HRG: variants seen among roughly 807,000 people sequenced by gnomAD.
HRG encodes the protein histidine rich glycoprotein, also known as histidine-rich glycoprotein.
In HRG, 26 loss-of-function variants were observed where a neutral mutation model predicts 29.5. The ratio of observed to expected loss-of-function variants is 0.88; its 90% CI spans 0.65 to 1.22. The LOEUF is 1.22. Among genes scored for constraint, HRG ranks in the 50% most tolerant of loss-of-function variants. The pLI is 0.00. For synonymous variants in HRG, 243 were observed against 240.4 expected (o/e 1.01, Z -0.10); for missense variants, 671 against 654.5 (o/e 1.03, Z -0.28).
intron 5 of HRG, chr3:186,673,306 G>C: frequency 3.6e-6 from 1 of 281,114 alleles, no homozygotes; most frequent in Non-Finnish European, 6.9e-6. Context: ...GTTTCACCAT[G>C]TTGATCAGGT....
chr3:186,670,045 A>G lies in HRG; in HGVS notation c.391+17A>G. The stretch of plus-strand genomic sequence containing the variant: ...CAAGTTCTGGTATGGTAATCTGTTA[A>G]ATTGCTAATTAATTCTTGATTAATA... On this transcript the variant is annotated intron_variant, in intron 3 of 6. Transcript: ENST00000232003. The G allele has an allele frequency of 7.9e-7, 1 of 1,259,944 alleles. No individual in the cohort carries two copies. Among genetic ancestry groups the G allele is most frequent in the Non-Finnish European group, 1.2e-6 (1 of 857,868 alleles). The allele number at this position is 1,259,944 out of a possible 1,614,324, so 78.0% of individuals were successfully genotyped here.
At position 186,666,304 on chromosome 3, in the gene HRG, T is replaced by C; in HGVS notation, c.183+90T>C. The C allele has an allele frequency of 6.0e-6, 8 of 1,343,178 alleles. No individual in the cohort carries two copies. The South Asian group carries it at 9.5e-5, about 16-fold the overall frequency. 83.2% of individuals were successfully genotyped at this position (1,343,178 alleles called of 1,614,324 possible). On this transcript the variant is annotated intron_variant, in intron 1 of 6. Coordinates refer to ENST00000232003, the MANE Select transcript of HRG (RefSeq NM_000412.5). Reference sequence around the variant, plus strand: ...CCCCTAGGCTTACTGCTTTGCACAATGAATGGCTTTGGTCAGAGTTTTTTG... The same window carrying C: ...CCCCTAGGCTTACTGCTTTGCACAACGAATGGCTTTGGTCAGAGTTTTTTG...
Position 186,675,177 on chromosome 3 carries a change from T to C in HRG, c.728T>C (p.Val243Ala), listed in dbSNP as rs1170484968. ...SPKNLVINCE[V>A]FDPQEHENIN... ...AAAAACCTTGTCATAAACTGTGAAG[T>C]CTTCGACCCTCAGGTGGGTTGTCTA... Residue 243 changes from valine to alanine, a missense_variant, in exon 6 of 7, where the codon GTC becomes GCC. Transcript: ENST00000232003. 1.9e-6 allele frequency: 3 copies of C among 1,612,174 alleles called. No individual in the cohort carries two copies. The South Asian group carries it at 3.3e-5, about 18-fold the overall frequency.
In HRG at chr3:186,677,591, A is replaced by G; in HGVS notation, c.1286A>G (p.His429Arg). The change falls in exon 7 of 7, where the codon CAT becomes CGT. Residue 429 changes from histidine (H) to arginine (R), a missense_variant. His to Arg is a conservative substitution (Grantham distance 29, BLOSUM62 0). Transcript: ENST00000232003. ...PPPHNQGHCC[H>R]GHGPPPGHLR... The stretch of plus-strand genomic sequence containing the variant: ...CCCCATAACCAAGGTCACTGTTGCC[A>G]TGGCCACGGCCCACCACCTGGGCAC... The G allele has an allele frequency of 1.2e-6, 2 of 1,614,096 alleles. No individual in the cohort carries two copies. The highest frequency in any genetic ancestry group is 1.7e-6 in the Non-Finnish European group (2 of 1,179,996).
chr3:186,671,726 C>G lies in HRG; in HGVS notation c.495C>G (p.Tyr165Ter), dbSNP rs781056236. 6.2e-7 allele frequency: 1 copy of G among 1,613,784 alleles called. No homozygotes were observed. The highest frequency in any genetic ancestry group is 1.3e-5 in the African/African-American group (1 of 74,872). The change falls in exon 4 of 7, where the codon TAC becomes TAG. Residue 165 changes from tyrosine to a stop codon, truncating the protein, a stop_gained. Transcript: ENST00000232003. LOFTEE classifies it high-confidence loss of function. ...RKQANKALEK[Y>*]KEENDDFASF... ...AAGCCAACAAAGCCCTTGAGAAGTA[C>G]AAAGAGGAGAATGATGACTTTGCCT...
At chr3:186,668,807 G>A in intron 1 of HRG, 128 bp from the exon 2 acceptor site, 1 of 674,926 alleles carries the variant, frequency 1.5e-6, no homozygotes, top group South Asian at 1.7e-5. Context: ...CGCAAAGGTA[G>A]AGCATCTGCA....
intron 1 of HRG, chr3:186,667,206 A>G (rs1442689774): frequency 1.3e-5 from 2 of 152,146 alleles, no homozygotes; most frequent in Non-Finnish European, 2.9e-5. Flanking sequence ...TGGAATGCGG[A>G]TCTGAGGACC....
In HRG at chr3:186,677,227, C is replaced by T. The variant is rs1579082368; in HGVS notation, c.922C>T (p.His308Tyr). 4 of 1,614,124 alleles carry T rather than the reference C, an allele frequency of 2.5e-6. No individual in the cohort carries two copies. In the South Asian group the frequency reaches 3.3e-5, roughly 13 times the overall value. The change falls in exon 7 of 7, where the codon CAT (histidine) becomes TAT (tyrosine). Residue 308 changes from histidine (H) to tyrosine (Y), a missense_variant. Physicochemically the swap from His to Tyr is moderately conservative, Grantham distance 83. Transcript: ENST00000232003. ...PPPPDERDHSHGPPLPQGPPP... is the reference protein window; with the variant it reads ...PPPPDERDHSYGPPLPQGPPP... The stretch of plus-strand genomic sequence containing the variant: ...TCCTCCAGATGAAAGAGATCACTCA[C>T]ATGGACCCCCACTTCCACAAGGCCC...
chr3:186,672,109 T>G (rs1718819034), intron 4 of HRG, among the ~76,000 whole-genome samples: 1 of 152,116 alleles, frequency 6.6e-6, no homozygotes, highest in African/African-American at 2.4e-5. Context: ...ACTAACATTC[T>G]TGTACTATGA....
intron 2 of HRG, 84 bp downstream of exon 2, chr3:186,669,135 C>T: frequency 1.2e-6 from 1 of 838,382 alleles, no homozygotes; most frequent in Non-Finnish European, 2.1e-6. Context: ...CCTGGGCTAA[C>T]ACAGTAGAAG....
Position 186,669,032 on chromosome 3 carries a change from C to T in HRG, c.281C>T (p.Ser94Phe). ...TGGAATGACTGTGAGCCACCTGATT[C>T]CAGACGTCCATCTGAAATAGTAAGT... is the stretch of plus-strand genomic sequence containing the variant. Reference protein sequence around the residue: ...KYWNDCEPPDSRRPSEIVIGQ... With the variant: ...KYWNDCEPPDFRRPSEIVIGQ... The change falls in exon 2 of 7, where the codon TCC (serine) becomes TTC (phenylalanine). Residue 94 changes from serine to phenylalanine, a missense_variant. Transcript: ENST00000232003. 1 of 1,596,674 alleles carries T rather than the reference C, an allele frequency of 6.3e-7. No homozygotes were observed. Among genetic ancestry groups the T allele is most frequent in the Non-Finnish European group, 8.6e-7 (1 of 1,163,948 alleles).
At position 186,677,842 on chromosome 3, in the gene HRG, C is replaced by T. The variant is rs1276242614; in HGVS notation, c.1537C>T (p.Pro513Ser). ...TCCAGGGAAGTTCAAGAGTGGGTTTCCACAAGTTTCCATGTTTTTTACACA... is the reference window on the plus strand; with the variant it reads ...TCCAGGGAAGTTCAAGAGTGGGTTTTCACAAGTTTCCATGTTTTTTACACA... ...SCPGKFKSGF[P>S]QVSMFFTHTF... Residue 513 changes from proline (P) to serine (S), a missense_variant, in exon 7 of 7, where the codon CCA becomes TCA. Physicochemically the swap from Pro to Ser is moderately conservative, Grantham distance 74. Transcript: ENST00000232003. 1.2e-6 allele frequency: 2 copies of T among 1,614,086 alleles called. No homozygotes were observed. Among genetic ancestry groups the T allele is most frequent in the Non-Finnish European group, 1.7e-6 (2 of 1,179,936 alleles).
chr3:186,677,168 A>G lies in HRG; in HGVS notation c.863A>G (p.His288Arg), dbSNP rs146771057. 2 of 1,613,414 alleles carry G rather than the reference A, an allele frequency of 1.2e-6. No homozygotes were observed. The highest frequency in any genetic ancestry group is 1.7e-6 in the Non-Finnish European group (2 of 1,179,984). ...FKPHGSRDHH[H>R]PHKPHEHGPP... Reference sequence around the variant, plus strand: ...CCCCATGGATCTAGAGATCATCATCATCCCCACAAGCCACACGAACATGGA... The same window carrying G: ...CCCCATGGATCTAGAGATCATCATCGTCCCCACAAGCCACACGAACATGGA... Residue 288 changes from histidine (H) to arginine (R), a missense_variant, in exon 7 of 7, where the codon CAT becomes CGT. By Grantham distance (29) the His-to-Arg change is conservative (BLOSUM62 0). Coordinates refer to ENST00000232003, the MANE Select transcript of HRG (RefSeq NM_000412.5).
chr3:186,677,707 G>A lies in HRG; in HGVS notation c.1402G>A (p.Glu468Lys). ...CCGACTCCCTCCTCTAAGAAAAGGTGAGGTGCTGCCACTTCCTGAGGCCAA... is the reference window on the plus strand; with the variant it reads ...CCGACTCCCTCCTCTAAGAAAAGGTAAGGTGCTGCCACTTCCTGAGGCCAA... ...VYRLPPLRKG[E>K]VLPLPEANFP... Residue 468 changes from glutamate to lysine, a missense_variant, in exon 7 of 7, where the codon GAG becomes AAG. Glu to Lys is a moderately conservative substitution (Grantham distance 56, BLOSUM62 1). Transcript: ENST00000232003. The A allele has an allele frequency of 6.2e-7, 1 of 1,611,834 alleles. No individual in the cohort carries two copies. Among genetic ancestry groups the A allele is most frequent in the Non-Finnish European group, 8.5e-7 (1 of 1,178,034 alleles).
chr3:186,670,515 A>T (rs981917547), intron 3 of HRG, among the ~76,000 whole-genome samples: 2 of 152,140 alleles, frequency 1.3e-5, no homozygotes, highest in African/African-American at 4.8e-5. Flanking sequence ...CAATCCCAGG[A>T]GTATTAACTC....
At chr3:186,675,865 CTTTT>C (rs56248425) in intron 6 of HRG, among the ~76,000 whole-genome samples, 2 of 97,104 alleles carry the variant, frequency 2.1e-5, no homozygotes, top group African/African-American at 8.0e-5. Flanking sequence ...ATGGCTCTGT[CTTTT>C]TTTTTTTTTT....
Position 186,666,177 on chromosome 3 carries a change from A to G in HRG, c.146A>G (p.Gln49Arg), listed in dbSNP as rs147915320. 24 of 1,613,938 alleles carry G rather than the reference A, an allele frequency of 1.5e-5. No homozygotes were observed. The highest frequency in any genetic ancestry group is 1.9e-5 in the Non-Finnish European group (23 of 1,179,954). The change falls in exon 1 of 7, where the codon CAA becomes CGA. Residue 49 changes from glutamine to arginine, a missense_variant. Physicochemically the swap from Gln to Arg is conservative, Grantham distance 43 (BLOSUM62 1). Coordinates refer to ENST00000232003, the MANE Select transcript of HRG (RefSeq NM_000412.5). ...AGGCGACGGGATGGCTACCTTTTCC[A>G]ATTGCTGCGGATTGCTGATGCCCAC... ...NKRRRDGYLF[Q>R]LLRIADAHLD... is the part of the protein sequence containing the mutation.
chr3:186,666,165 G>A lies in HRG; in HGVS notation c.134G>A (p.Gly45Asp), dbSNP rs765067014. Residue 45 changes from glycine (G) to aspartate (D), a missense_variant, in exon 1 of 7, where the codon GGC (glycine) becomes GAC (aspartate). By Grantham distance (94) the Gly-to-Asp change is moderately conservative. Transcript: ENST00000232003. ...CTGATCAATAAAAGGCGACGGGATG[G>A]CTACCTTTTCCAATTGCTGCGGATT... ...LDLINKRRRDGYLFQLLRIAD... is the reference protein window; with the variant it reads ...LDLINKRRRDDYLFQLLRIAD... The A allele has an allele frequency of 1.9e-6, 3 of 1,614,044 alleles. No homozygotes were observed. Among genetic ancestry groups the A allele is most frequent in the African/African-American group, 1.3e-5 (1 of 74,922 alleles).
At chr3:186,668,904 C>A in intron 1 of HRG, 31 bp from the exon 2 acceptor site, 2 of 1,148,912 alleles carry the variant, frequency 1.7e-6, no homozygotes, top group Non-Finnish European at 2.6e-6. Flanking sequence ...TTTCCATGTG[C>A]TACTCACATG....
Sources: gnomAD v4.1 joint callset for allele counts (sites outside exome capture counted in the v4.1 genomes callset) on GRCh38, gnomAD v4.1.1 for gene constraint, MANE v1.5 for transcripts, NCBI Gene and HGNC (gene_info 2026-07-23, HGNC 2026-07-21) for gene names.